The following TLE2 variants were observed in gnomAD, a reference collection of about 807,000 sequenced individuals.
The protein encoded by TLE2 is transducin-like enhancer protein 2.
Under a neutral mutation model 97.2 loss-of-function variants are expected in TLE2, and 74 were observed. That is an observed-to-expected ratio of 0.76 (90% confidence interval 0.63 to 0.92). The LOEUF (loss-of-function observed/expected upper bound fraction) is 0.92, where lower values mean the gene tolerates loss of function less well. TLE2 is among the 40% of genes least tolerant of loss of function. TLE2 has a pLI of 0.00. For synonymous variants in TLE2, 499 were observed against 432.1 expected, an observed-to-expected ratio of 1.15 and a Z score of -1.92; for missense variants, 1,038 against 1,008.7, an observed-to-expected ratio of 1.03 and a Z score of -0.39.
At chr19:3,024,627 C>T (rs1453027434) in intron 5 of TLE2, among the ~76,000 whole-genome samples, 1 of 152,154 alleles carries the variant, frequency 6.6e-6, no homozygotes, top group East Asian at 1.9e-4. Context: ...TCATCTCCAG[C>T]ACCCTGGGTG....
chr19:3,027,993 G>GCC, intron 3 of TLE2, 120 bp from the exon 4 acceptor site: 1 of 997,976 alleles, frequency 1.0e-6, no homozygotes, highest in Non-Finnish European at 1.5e-6. Context: ...AGGAAGCAGA[G>GCC]CCCCCCCCAG....
At chr19:3,025,282 G>A (rs1359453040) in intron 4 of TLE2, 200 bp from the exon 5 acceptor site, 16 of 1,169,888 alleles carry the variant, frequency 1.4e-5, no homozygotes, top group Middle Eastern at 3.0e-4. Context: ...TCAGCTGAGC[G>A]AGGCCCAGGG....
chr19:3,025,475 A>C, intron 4 of TLE2: 1 of 1,022,258 alleles, frequency 9.8e-7, no homozygotes, highest in Non-Finnish European at 1.2e-6. Flanking sequence ...GGAGTCCCAG[A>C]TTCCAGCCCC....
At chr19:3,018,137 CCT>C (rs780425494) in intron 7 of TLE2, among the ~76,000 whole-genome samples, 3 of 151,998 alleles carry the variant, frequency 2.0e-5, no homozygotes, top group Non-Finnish European at 4.4e-5. Flanking sequence ...TCATTGATCC[CCT>C]CACACTTTAC....
At chr19:3,004,116 G>A (rs1464175880) in intron 17 of TLE2, among the ~76,000 whole-genome samples, 1 of 152,184 alleles carries the variant, frequency 6.6e-6, no homozygotes, top group Admixed American at 6.6e-5. Flanking sequence ...CAAGATGCCT[G>A]TGGAAATAAC....
At chr19:3,013,533 A>AG in intron 11 of TLE2, 136 bp downstream of exon 11, 1 of 854,950 alleles carries the variant, frequency 1.2e-6, no homozygotes, top group South Asian at 6.2e-5. Context: ...TAAAAAAAAA[A>AG]GCACAGGGAA....
chr19:3,043,467 G>A (rs974912507), intron 1 of TLE2, among the ~76,000 whole-genome samples: 7 of 142,058 alleles, frequency 4.9e-5, no homozygotes, highest in Non-Finnish European at 7.5e-5. Context: ...GTGAGCCACC[G>A]CGCCATGCCT....
intron 2 of TLE2, 44 bp from the exon 3 acceptor site, chr19:3,028,426 T>A (rs761480567): frequency 1.3e-6 from 2 of 1,548,388 alleles, no homozygotes; most frequent in African/African-American, 1.4e-5. Context: ...CCGCCCCATG[T>A]GGGCCGGCTT....
intron 1 of TLE2, among the ~76,000 whole-genome samples, chr19:3,042,140 G>A (rs1182120207): frequency 2.0e-5 from 3 of 150,350 alleles, no homozygotes; most frequent in Non-Finnish European, 3.0e-5. Context: ...CCCGAGAAGG[G>A]GGTGTAGGAG....
Position 3,029,080 on chromosome 19 carries a change from C to A in TLE2, c.-176G>T. ...CCTGGCGCGCCCCCAAGCGCGCGCG[C>A]CCGGGGTCGTGGGAGCCCCTCCCCG... On this transcript the variant is annotated 5_prime_UTR_variant, in exon 1 of 20. Transcript: ENST00000262953. The A allele has an allele frequency of 7.8e-7, 1 of 1,289,438 alleles. No individual in the cohort carries two copies. 79.9% of individuals were successfully genotyped at this position (1,289,438 alleles called of 1,614,324 possible). A position where few individuals can be genotyped will look rare whatever the true frequency, so the allele number is the denominator to read the frequency against.
At position 3,009,010 on chromosome 19, in the gene TLE2, C is replaced by T. The variant is rs369705999; in HGVS notation, c.1174-65G>A. On this transcript the variant is annotated intron_variant, in intron 13 of 19. Coordinates refer to ENST00000262953, the MANE Select transcript of TLE2 (RefSeq NM_003260.5). ...TCCAACCCACCTCTGTGCCACCCCA[C>T]GCCCACCTGCCATACCCCTCTCTGT... is the stretch of plus-strand genomic sequence containing the variant. The T allele has an allele frequency of 2.8e-4, 363 of 1,315,392 alleles. 3 individuals carry two copies. The East Asian group carries it at 7.6e-3, about 28-fold the overall frequency. The allele number at this position is 1,315,392 out of a possible 1,614,324, so 81.5% of individuals were successfully genotyped here.
At chr19:3,008,254 T>C (rs1474463673) in intron 14 of TLE2, among the ~76,000 whole-genome samples, 3 of 152,072 alleles carry the variant, frequency 2.0e-5, no homozygotes, top group South Asian at 4.1e-4. Flanking sequence ...TCTCCTCTGG[T>C]GGAGCCATCC....
intron 8 of TLE2, 61 bp from the exon 9 acceptor site, chr19:3,015,821 T>C: frequency 3.1e-6 from 4 of 1,296,270 alleles, no homozygotes; most frequent in Non-Finnish European, 3.3e-6. Context: ...TAGATTGCAT[T>C]GTGATCCAGC....
chr19:3,005,636 A>T, intron 16 of TLE2, 52 bp from the exon 17 acceptor site: 2 of 1,609,982 alleles, frequency 1.2e-6, no homozygotes. Flanking sequence ...CTGCCCCAGC[A>T]TCGTCCCAGG....
intron 9 of TLE2, 38 bp from the exon 10 acceptor site, chr19:3,014,652 G>A (rs368535485): frequency 6.5e-7 from 1 of 1,546,398 alleles, no homozygotes; most frequent in Non-Finnish European, 8.7e-7. Context: ...TTGTGGTCAT[G>A]CCCCTGCCTC....
intron 10 of TLE2, among the ~76,000 whole-genome samples, chr19:3,014,318 A>C (rs1488466239): frequency 6.6e-6 from 1 of 152,128 alleles, no homozygotes; most frequent in Non-Finnish European, 1.5e-5. Flanking sequence ...GATGGGGAAA[A>C]GTGAGGCCAG....
intron 5 of TLE2, among the ~76,000 whole-genome samples, chr19:3,023,124 G>A (rs987931209): frequency 6.7e-6 from 1 of 150,148 alleles, no homozygotes; most frequent in Non-Finnish European, 1.5e-5. Flanking sequence ...GTGCGAACTC[G>A]GCTCACTGCA....
chr19:3,011,200 G>A, intron 11 of TLE2, 40 bp from the exon 12 acceptor site: 1 of 1,533,124 alleles, frequency 6.5e-7, no homozygotes, highest in Non-Finnish European at 8.8e-7. Flanking sequence ...CCAGGCACCT[G>A]GTGTCTTGTG....
At chr19:3,034,439 C>T (rs1259258360) in intron 1 of TLE2, among the ~76,000 whole-genome samples, 1 of 151,864 alleles carries the variant, frequency 6.6e-6, no homozygotes, top group Non-Finnish European at 1.5e-5. Context: ...CTTCACCTTC[C>T]TCCACCAGAT....
Sources: gnomAD v4.1 joint callset for allele counts (sites outside exome capture counted in the v4.1 genomes callset) on GRCh38, gnomAD v4.1.1 for gene constraint, MANE v1.5 for transcripts, NCBI Gene and HGNC (gene_info 2026-07-23, HGNC 2026-07-21) for gene names.